The following CEP350 variants were observed in gnomAD, a reference collection of about 807,000 sequenced individuals.
CEP350 encodes the protein centrosome-associated protein 350.
CEP350 carries 126 observed loss-of-function variants against 331.8 expected under a neutral mutation model. The observed-to-expected ratio is 0.38, with a 90% confidence interval of 0.33 to 0.44. The LOEUF (loss-of-function observed/expected upper bound fraction) is 0.44, where lower values mean the gene tolerates loss of function less well. CEP350 is among the 20% of genes least tolerant of loss of function. CEP350 has a pLI of 1.00. For synonymous variants in CEP350, 1,200 were observed against 1,259.5 expected (o/e 0.95, Z 1.00); for missense variants, 3,406 against 3,634.6 (o/e 0.94, Z 1.62).
intron 25 of CEP350, 82 bp downstream of exon 25, chr1:180,054,584 T>C (rs1352948740): frequency 2.1e-6 from 2 of 955,956 alleles, no homozygotes; most frequent in Non-Finnish European, 1.6e-6. Context: ...TGATTTCTTT[T>C]CCTTATCATT....
At chr1:179,969,507 C>T (rs1651273623) in intron 1 of CEP350, 2 of 457,524 alleles carry the variant, frequency 4.4e-6, no homozygotes, top group Non-Finnish European at 8.7e-6. Context: ...CTGAATTGGC[C>T]TTAAGCTGTT....
At chr1:180,026,033 CTCTA>C in intron 14 of CEP350, among the ~76,000 whole-genome samples, 1 of 152,000 alleles carries the variant, frequency 6.6e-6, no homozygotes, top group Non-Finnish European at 1.5e-5. Context: ...AGTAAATCTC[CTCTA>C]GTTCTTTCTC....
chr1:180,052,093 G>A (rs577162707), intron 22 of CEP350: 13 of 386,088 alleles, frequency 3.4e-5, no homozygotes, highest in Middle Eastern at 9.0e-4. Flanking sequence ...GTGCACACAC[G>A]TATACATGGA....
chr1:180,002,432 C>T (rs995957412), intron 6 of CEP350, among the ~76,000 whole-genome samples: 2 of 151,870 alleles, frequency 1.3e-5, no homozygotes, highest in Non-Finnish European at 2.9e-5. Flanking sequence ...TGAGATCTTG[C>T]CATTGCACTC....
intron 22 of CEP350, chr1:180,052,402 G>A (rs1657567491): frequency 2.9e-6 from 1 of 346,556 alleles, no homozygotes. Flanking sequence ...TGTAGAAATA[G>A]CTGATTCTAG....
chr1:180,087,591 T>G lies in CEP350; in HGVS notation c.6299T>G (p.Phe2100Cys). 1.9e-6 allele frequency: 3 copies of G among 1,541,826 alleles called. No individual in the cohort carries two copies. Among genetic ancestry groups the G allele is most frequent in the Non-Finnish European group, 2.6e-6 (3 of 1,141,178 alleles). ...TTCTAAACTTAGTCATATGATGAAT[T>G]TATTAAGAAAACTGAAGCCGAGCTT... ...LIKQLESYDE[F>C]IKKTEAELSQ... Residue 2100 changes from phenylalanine (F) to cysteine (C), a missense_variant, in exon 32 of 38, where the codon TTT becomes TGT. Physicochemically the swap from Phe to Cys is radical, Grantham distance 205. Coordinates refer to ENST00000367607, the MANE Select transcript of CEP350 (RefSeq NM_014810.5).
At chr1:180,010,966 A>T (rs1341282463) in intron 8 of CEP350, among the ~76,000 whole-genome samples, 2 of 151,776 alleles carry the variant, frequency 1.3e-5, no homozygotes, top group Non-Finnish European at 2.9e-5. Context: ...TATTTTTTGT[A>T]GTTTCTATTT....
chr1:180,094,438 A>G lies in CEP350; in HGVS notation c.8333A>G (p.Asp2778Gly). The G allele has an allele frequency of 1.2e-6, 2 of 1,613,892 alleles. No individual in the cohort carries two copies. Among genetic ancestry groups the G allele is most frequent in the Non-Finnish European group, 1.7e-6 (2 of 1,179,812 alleles). ...NQLQQIKKTR[D>G]EKIQLSNQEL... ...CTACAACAAATCAAAAAAACCAGGG[A>G]TGAGAAAATCCAGCTTAGCAATCAG... Residue 2778 changes from aspartate to glycine, a missense_variant, in exon 34 of 38, where the codon GAT (aspartate) becomes GGT (glycine). This residue lies in a region of CEP350 where 1,415 missense variants were observed against 1,512.3 expected (regional missense o/e 0.94). Coordinates refer to ENST00000367607, the MANE Select transcript of CEP350 (RefSeq NM_014810.5).
At chr1:180,077,119 G>T (rs570689687) in intron 28 of CEP350, among the ~76,000 whole-genome samples, 1 of 152,144 alleles carries the variant, frequency 6.6e-6, no homozygotes, top group East Asian at 1.9e-4. Flanking sequence ...TATACACATA[G>T]GTAATCCAGA....
chr1:180,086,749 G>A (rs948945854), intron 31 of CEP350, among the ~76,000 whole-genome samples: 2 of 152,106 alleles, frequency 1.3e-5, no homozygotes, highest in Admixed American at 6.5e-5. Flanking sequence ...AAAAAATGTT[G>A]ACAATTCAGA....
At chr1:180,085,352 C>G (rs1659803844) in intron 31 of CEP350, among the ~76,000 whole-genome samples, 1 of 152,156 alleles carries the variant, frequency 6.6e-6, no homozygotes, top group African/African-American at 2.4e-5. Flanking sequence ...CACTAGTTCT[C>G]ATGGATTCTT....
intron 14 of CEP350, among the ~76,000 whole-genome samples, chr1:180,026,131 C>A (rs934215992): frequency 6.6e-6 from 1 of 151,978 alleles, no homozygotes; most frequent in Non-Finnish European, 1.5e-5. Context: ...ATTAGCCAGG[C>A]ATGTTGGTGG....
At chr1:180,090,557 A>AAAAAAAAGAAAG (rs1660125776) in intron 32 of CEP350, among the ~76,000 whole-genome samples, 157 bp from the exon 33 acceptor site, 4 of 92,244 alleles carry the variant, frequency 4.3e-5, no homozygotes, top group East Asian at 4.5e-4. Context: ...AAAAAAAAAA[A>AAAAAAAAGAAAG]AAAAAAAAAA....
intron 37 of CEP350, among the ~76,000 whole-genome samples, chr1:180,099,974 T>C (rs1047023915): frequency 5.3e-5 from 8 of 151,960 alleles, no homozygotes; most frequent in Non-Finnish European, 1.0e-4. Flanking sequence ...TTAGTAGAGA[T>C]GGGATTTCGC....
intron 3 of CEP350, among the ~76,000 whole-genome samples, chr1:179,988,276 G>A (rs1312842174): frequency 6.8e-6 from 1 of 148,104 alleles, no homozygotes; most frequent in South Asian, 2.1e-4. Context: ...TAGCCTGGGC[G>A]ACAGAGTGAG....
intron 30 of CEP350, among the ~76,000 whole-genome samples, chr1:180,081,226 A>G (rs1026689946): frequency 1.4e-4 from 21 of 152,138 alleles, no homozygotes; most frequent in African/African-American, 5.1e-4. Flanking sequence ...AGTAAACGAA[A>G]CATGAAAATT....
intron 36 of CEP350, 93 bp from the exon 37 acceptor site, chr1:180,098,770 A>G (rs1016952489): frequency 3.3e-5 from 32 of 983,294 alleles, no homozygotes; most frequent in Non-Finnish European, 4.4e-5. Context: ...TAAATATTAT[A>G]TTCTTATCGT....
intron 13 of CEP350, among the ~76,000 whole-genome samples, 178 bp downstream of exon 13, chr1:180,023,026 G>A (rs1230204069): frequency 6.6e-6 from 1 of 152,058 alleles, no homozygotes; most frequent in African/African-American, 2.4e-5. Context: ...TTTAAATCCA[G>A]GCTCTCCTGG....
chr1:180,001,034 A>G (rs970795384), intron 6 of CEP350, among the ~76,000 whole-genome samples: 3 of 152,154 alleles, frequency 2.0e-5, no homozygotes, highest in African/African-American at 7.2e-5. Flanking sequence ...ATTTACCAGT[A>G]TATTTTCTCT....
Sources: allele counts gnomAD v4.1 joint callset (sites outside exome capture counted in the v4.1 genomes callset), GRCh38; gene constraint gnomAD v4.1.1; regional missense constraint gnomAD v4.1.1; transcripts MANE v1.5; gene names NCBI Gene and HGNC (gene_info 2026-07-23, HGNC 2026-07-21).